The following CDK14 variants were observed in gnomAD, a reference collection of about 807,000 sequenced individuals.
The protein encoded by CDK14 is cyclin dependent kinase 14.
In CDK14, 34 loss-of-function variants were observed where a neutral mutation model predicts 60.7. The ratio of observed to expected loss-of-function variants is 0.56; its 90% confidence interval spans 0.43 to 0.75. CDK14 has a LOEUF of 0.75. Ranked by LOEUF, CDK14 falls within the 30% of genes least tolerant of loss-of-function variation. The pLI, the probability that CDK14 is intolerant of heterozygous loss-of-function variation, is 0.00. For missense variants in CDK14, 482 were observed against 564.1 expected, an observed-to-expected ratio of 0.85 and a Z score of 1.47; for synonymous variants, 197 against 203.7, an observed-to-expected ratio of 0.97 and a Z score of 0.28.
At chr7:90,928,392 T>G (rs1793489303) in intron 8 of CDK14, among the ~76,000 whole-genome samples, 1 of 152,192 alleles carries the variant, frequency 6.6e-6, no homozygotes, top group Admixed American at 6.5e-5. Flanking sequence ...GACGTACAGA[T>G]GGGGTTTTGG....
chr7:90,845,972 G>A (rs1452940860), intron 5 of CDK14, among the ~76,000 whole-genome samples: 1 of 151,922 alleles, frequency 6.6e-6, no homozygotes, highest in African/African-American at 2.4e-5. Context: ...ACCTTACAGA[G>A]GCCCACCTTT....
rs145423766 is a variant in CDK14, at chr7:90,658,475, C to T, written c.123+54226C>T. Among the ~76,000 whole-genome samples, 159 of 152,282 alleles carry T rather than the reference C, an allele frequency of 1.0e-3. 1 individual carries two copies. The highest frequency in any genetic ancestry group is 1.8e-3 in the Non-Finnish European group (123 of 68,026). ...CTAATTACCTCCCCAGGGCCCGCCT[C>T]GTAATACCATCATATTGGGGATTAG... On this transcript the variant is annotated intron_variant, in intron 2 of 14. Transcript: ENST00000380050.
intron 2 of CDK14, among the ~76,000 whole-genome samples, chr7:90,664,692 A>G (rs1800935395): frequency 6.6e-6 from 1 of 152,022 alleles, no homozygotes; most frequent in South Asian, 2.1e-4. Flanking sequence ...CGCAAGGACA[A>G]AAAACCAAAC....
chr7:90,597,909 G>T (rs940961046), intron 1 of CDK14, among the ~76,000 whole-genome samples: 1 of 147,580 alleles, frequency 6.8e-6, no homozygotes, highest in Non-Finnish European at 1.5e-5. Flanking sequence ...TGACTGTAAA[G>T]TTATGGTATG....
chr7:90,726,930 C>A, intron 3 of CDK14, 118 bp downstream of exon 3: 1 of 1,231,684 alleles, frequency 8.1e-7, no homozygotes, highest in East Asian at 2.4e-5. Context: ...GCATTCTCTC[C>A]CAGGGTGGTT....
chr7:91,208,767 G>A lies in CDK14; in HGVS notation c.*1631G>A, dbSNP rs1240485706. 4 of 152,554 alleles carry A rather than the reference G, an allele frequency of 2.6e-5. No homozygotes were observed. The highest frequency in any genetic ancestry group is 1.3e-4 in the Admixed American group (2 of 15,284). 9.5% of individuals were successfully genotyped at this position (152,554 alleles called of 1,614,324 possible). ...TAAACTTTAAAATGGTACTGTCTGC[G>A]GAGTGGAGTATGGATGGTTATGTCA... On this transcript the variant is annotated 3_prime_UTR_variant, in exon 15 of 15. Transcript: ENST00000380050.
intron 2 of CDK14, among the ~76,000 whole-genome samples, chr7:90,692,376 A>G (rs1352607115): frequency 6.6e-6 from 1 of 152,206 alleles, no homozygotes; most frequent in East Asian, 1.9e-4. Context: ...AAATGATATC[A>G]CAGTTGCCCA....
intron 14 of CDK14, among the ~76,000 whole-genome samples, chr7:91,125,054 T>A (rs1441479804): frequency 1.3e-5 from 2 of 152,114 alleles, no homozygotes; most frequent in Non-Finnish European, 2.9e-5. Context: ...CTGTTTGAGT[T>A]GAAGTGGGCT....
At chr7:90,773,717 C>G (rs1179724146) in intron 4 of CDK14, among the ~76,000 whole-genome samples, 1 of 151,954 alleles carries the variant, frequency 6.6e-6, no homozygotes, top group Non-Finnish European at 1.5e-5. Flanking sequence ...AATTTATTGA[C>G]TGTGTATAAA....
intron 9 of CDK14, among the ~76,000 whole-genome samples, chr7:90,958,032 A>C (rs1794484881): frequency 1.3e-5 from 2 of 152,112 alleles, no homozygotes; most frequent in Non-Finnish European, 2.9e-5. Context: ...ACCTCAGTAA[A>C]ACTGCAGTAT....
chr7:90,699,032 A>G (rs983588870), intron 2 of CDK14, among the ~76,000 whole-genome samples: 5 of 152,252 alleles, frequency 3.3e-5, no homozygotes, highest in African/African-American at 1.2e-4. Context: ...GTCAAAGGAA[A>G]TATCAAGAAG....
chr7:90,648,558 C>T (rs1477286596), intron 2 of CDK14, among the ~76,000 whole-genome samples: 4 of 152,024 alleles, frequency 2.6e-5, no homozygotes, highest in Non-Finnish European at 5.9e-5. Context: ...TACCTTCTGG[C>T]CCCTAGAGAT....
intron 14 of CDK14, among the ~76,000 whole-genome samples, chr7:91,147,162 T>TCTCTCTCTCACACA (rs1438870514): frequency 1.4e-4 from 18 of 124,746 alleles, no homozygotes; most frequent in African/African-American, 5.6e-4. Flanking sequence ...TCTCTCTCTC[T>TCTCTCTCTCACACA]CACACACACA....
intron 14 of CDK14, among the ~76,000 whole-genome samples, chr7:91,119,047 A>G (rs1799701919): frequency 6.6e-6 from 1 of 150,520 alleles, no homozygotes; most frequent in Non-Finnish European, 1.5e-5. Flanking sequence ...ATATATATAT[A>G]CATACATACA....
At chr7:90,700,896 A>G (rs1801769903) in intron 2 of CDK14, among the ~76,000 whole-genome samples, 1 of 152,142 alleles carries the variant, frequency 6.6e-6, no homozygotes, top group Non-Finnish European at 1.5e-5. Context: ...GTTCATCTTT[A>G]TACCTCCTGT....
chr7:91,046,863 C>G (rs1562881584), intron 11 of CDK14, among the ~76,000 whole-genome samples: 1 of 152,120 alleles, frequency 6.6e-6, no homozygotes, highest in African/African-American at 2.4e-5. Flanking sequence ...TTCTCTTCCC[C>G]TCTTTTGGGG....
chr7:90,639,275 T>G (rs1800252007), intron 2 of CDK14, among the ~76,000 whole-genome samples: 1 of 152,030 alleles, frequency 6.6e-6, no homozygotes, highest in Non-Finnish European at 1.5e-5. Context: ...ACTTTTGGTC[T>G]TTGATGATGG....
chr7:90,789,713 A>C (rs886884309), intron 4 of CDK14, among the ~76,000 whole-genome samples: 1 of 152,092 alleles, frequency 6.6e-6, no homozygotes, highest in Non-Finnish European at 1.5e-5. Flanking sequence ...GAACCAATCC[A>C]CTGAGGATTA....
At chr7:90,790,528 T>C in intron 4 of CDK14, 45 bp from the exon 5 acceptor site, 1 of 1,270,502 alleles carries the variant, frequency 7.9e-7, no homozygotes, top group East Asian at 2.3e-5. Context: ...AGAACTATAA[T>C]GGGCACATAT....
Sources: allele counts gnomAD v4.1 joint callset (sites outside exome capture counted in the v4.1 genomes callset), GRCh38; gene constraint gnomAD v4.1.1; transcripts MANE v1.5; gene names NCBI Gene and HGNC (gene_info 2026-07-23, HGNC 2026-07-21).